Variants in SOX5 observed in about 807,000 individuals in gnomAD.
The protein encoded by SOX5 is SRY-box transcription factor 5, also known as transcription factor SOX-5.
A neutral mutation model predicts 92.0 loss-of-function variants in SOX5; 9 were observed. The observed-to-expected ratio is 0.10, with a 90% confidence interval of 0.06 to 0.17. The LOEUF (loss-of-function observed/expected upper bound fraction) is 0.17, where lower values mean the gene tolerates loss of function less well. SOX5 is among the 10% of genes least tolerant of loss of function. The pLI is 1.00. For synonymous variants in SOX5, 344 were observed against 336.3 expected (o/e 1.02, Z -0.25); for missense variants, 642 against 944.5 (o/e 0.68, Z 4.20).
chr12:24,289,643 G>A (rs1478646595), intron 2 of SOX5, among the ~76,000 whole-genome samples: 7 of 135,938 alleles, frequency 5.1e-5, no homozygotes, highest in Admixed American at 4.9e-4. Flanking sequence ...TTTTAGTAGA[G>A]ACGGGGTTTC....
At chr12:23,588,359 G>A (rs545896861) in intron 9 of SOX5, among the ~76,000 whole-genome samples, 1 of 152,028 alleles carries the variant, frequency 6.6e-6, no homozygotes, top group Admixed American at 6.6e-5. Flanking sequence ...TGTCTATACT[G>A]TGTCAAGCAT....
At chr12:24,324,170 G>C (rs1245945988) in intron 2 of SOX5, among the ~76,000 whole-genome samples, 1 of 151,886 alleles carries the variant, frequency 6.6e-6, no homozygotes, top group Non-Finnish European at 1.5e-5. Flanking sequence ...AGTTAGTTTT[G>C]AGATGTAGCA....
At chr12:23,919,717 T>G (rs1355254685) in intron 1 of SOX5, among the ~76,000 whole-genome samples, 1 of 152,186 alleles carries the variant, frequency 6.6e-6, no homozygotes, top group Non-Finnish European at 1.5e-5. Context: ...ACAACTTCAG[T>G]AGCAGGGCAG....
chr12:23,892,857 C>T (rs183646411), intron 2 of SOX5, among the ~76,000 whole-genome samples: 1 of 152,146 alleles, frequency 6.6e-6, no homozygotes, highest in South Asian at 2.1e-4. Context: ...CTCTGATATG[C>T]TGACATATAG....
At chr12:24,391,455 G>A (rs941734610) in intron 1 of SOX5, among the ~76,000 whole-genome samples, 1 of 152,066 alleles carries the variant, frequency 6.6e-6, no homozygotes, top group African/African-American at 2.4e-5. Flanking sequence ...TTCTTTCATA[G>A]AAGTTCTTAA....
chr12:23,634,073 C>T (rs571362449), intron 8 of SOX5, among the ~76,000 whole-genome samples: 18 of 152,112 alleles, frequency 1.2e-4, no homozygotes, highest in South Asian at 6.2e-4. Context: ...TATCATTTAA[C>T]GCAGAAATCA....
intron 1 of SOX5, among the ~76,000 whole-genome samples, chr12:23,916,328 T>C (rs2097417016): frequency 6.6e-6 from 1 of 152,156 alleles, no homozygotes; most frequent in Non-Finnish European, 1.5e-5. Flanking sequence ...GAATGCTCCA[T>C]CAATCATTTG....
intron 8 of SOX5, among the ~76,000 whole-genome samples, chr12:23,608,961 G>T (rs1002660269): frequency 3.3e-5 from 5 of 152,150 alleles, no homozygotes; most frequent in African/African-American, 1.2e-4. Flanking sequence ...AGAAAACAAT[G>T]AGACTATAAG....
intron 4 of SOX5, among the ~76,000 whole-genome samples, chr12:24,211,943 A>G (rs1005977505): frequency 6.6e-6 from 1 of 152,226 alleles, no homozygotes; most frequent in Non-Finnish European, 1.5e-5. Context: ...TTTAGCTTCA[A>G]CTTATTTGGT....
At chr12:23,904,838 T>C (rs1023935988) in intron 1 of SOX5, among the ~76,000 whole-genome samples, 9 of 152,190 alleles carry the variant, frequency 5.9e-5, no homozygotes, top group Non-Finnish European at 1.0e-4. Context: ...TTTTCACTTC[T>C]TCACCACCTT....
chr12:23,736,680 G>T (rs12301172), intron 5 of SOX5, among the ~76,000 whole-genome samples: 14,686 of 144,062 alleles, frequency 0.1, 2,223 homozygotes, highest in African/African-American at 0.34. Context: ...AACACATTTT[G>T]TTCTTTCTCT....
At chr12:23,960,197 C>T (rs1946732425) in intron 4 of SOX5, among the ~76,000 whole-genome samples, 2 of 151,932 alleles carry the variant, frequency 1.3e-5, no homozygotes, top group African/African-American at 2.4e-5. Flanking sequence ...CAAACCAGAG[C>T]CCACATATGT....
intron 3 of SOX5, among the ~76,000 whole-genome samples, chr12:23,777,398 C>T (rs868286147): frequency 1.1e-4 from 16 of 152,216 alleles, no homozygotes; most frequent in Admixed American, 4.6e-4. Flanking sequence ...ATCAGAATAT[C>T]AAAAGTTACA....
At chr12:23,609,754 A>C (rs1401189533) in intron 8 of SOX5, among the ~76,000 whole-genome samples, 1 of 152,188 alleles carries the variant, frequency 6.6e-6, no homozygotes, top group Non-Finnish European at 1.5e-5. Flanking sequence ...GACTAGATCC[A>C]TTCAATCATG....
intron 3 of SOX5, among the ~76,000 whole-genome samples, chr12:23,759,365 T>C (rs1331367479): frequency 6.6e-6 from 1 of 152,030 alleles, no homozygotes; most frequent in Non-Finnish European, 1.5e-5. Context: ...GGGCTATAAT[T>C]CAAACAACCT....
chr12:23,624,322 T>G (rs147056638), intron 8 of SOX5, among the ~76,000 whole-genome samples: 1 of 152,212 alleles, frequency 6.6e-6, no homozygotes, highest in Admixed American at 6.5e-5. Flanking sequence ...TACATAAAAA[T>G]GGTTAATATG....
intron 3 of SOX5, among the ~76,000 whole-genome samples, chr12:24,269,290 T>C (rs1790984934): frequency 6.6e-6 from 1 of 152,170 alleles, no homozygotes; most frequent in African/African-American, 2.4e-5. Context: ...GGATCACAAA[T>C]TATTAAGTAG....
chr12:24,435,305 C>T (rs765501548), intron 1 of SOX5, among the ~76,000 whole-genome samples: 15 of 152,200 alleles, frequency 9.9e-5, no homozygotes, highest in Admixed American at 1.3e-4. Flanking sequence ...CCCTTTCTGA[C>T]GGCATTAGCT....
At chr12:24,316,851 G>C (rs1205672901) in intron 2 of SOX5, among the ~76,000 whole-genome samples, 2 of 151,990 alleles carry the variant, frequency 1.3e-5, no homozygotes, top group Admixed American at 6.6e-5. Context: ...ACCCCTTCTA[G>C]TGTGAGCAAG....
Sources: allele counts gnomAD v4.1 joint callset (sites outside exome capture counted in the v4.1 genomes callset), GRCh38; gene constraint gnomAD v4.1.1; transcripts MANE v1.5; gene names NCBI Gene and HGNC (gene_info 2026-07-23, HGNC 2026-07-21).